The following ADAMTS6 variants were observed in gnomAD, a reference collection of about 807,000 sequenced individuals.
ADAMTS6 encodes ADAM metallopeptidase with thrombospondin type 1 motif 6.
A neutral mutation model predicts 144.3 loss-of-function variants in ADAMTS6; 23 were observed. That is an observed-to-expected ratio of 0.16 (90% CI 0.11 to 0.23). The LOEUF is 0.23. Ranked by LOEUF, ADAMTS6 falls within the 10% of genes least tolerant of loss-of-function variation. The pLI, the probability that ADAMTS6 is intolerant of heterozygous loss-of-function variation, is 1.00. For synonymous variants in ADAMTS6, 444 were observed against 457.5 expected (o/e 0.97, Z 0.38); for missense variants, 999 against 1,379.6 (o/e 0.72, Z 4.37).
At chr5:65,442,662 C>T (rs1757954478) in intron 7 of ADAMTS6, among the ~76,000 whole-genome samples, 1 of 151,926 alleles carries the variant, frequency 6.6e-6, no homozygotes, top group Non-Finnish European at 1.5e-5. Context: ...TGGAAAATGA[C>T]ATCTAACTAT....
intron 9 of ADAMTS6, among the ~76,000 whole-genome samples, chr5:65,321,021 T>C (rs1011373074): frequency 3.9e-5 from 6 of 152,238 alleles, no homozygotes; most frequent in African/African-American, 1.4e-4. Context: ...ACATGTGCAT[T>C]TGTCTTTGTA....
intron 7 of ADAMTS6, among the ~76,000 whole-genome samples, chr5:65,362,502 G>T (rs1749921165): frequency 1.3e-5 from 2 of 152,032 alleles, no homozygotes; most frequent in Middle Eastern, 3.2e-3. Context: ...ATTATCCAAG[G>T]CTAAGTACTT....
chr5:65,434,844 T>C (rs1054812108), intron 7 of ADAMTS6, among the ~76,000 whole-genome samples: 7 of 144,080 alleles, frequency 4.9e-5, no homozygotes, highest in Admixed American at 1.3e-4. Context: ...TTAGCAGACA[T>C]AAAATGATTA....
chr5:65,263,182 T>C (rs542839685), intron 12 of ADAMTS6, among the ~76,000 whole-genome samples: 43 of 152,284 alleles, frequency 2.8e-4, no homozygotes, highest in African/African-American at 9.6e-4. Flanking sequence ...CTAACCTGTA[T>C]TGGGAGTTCT....
intron 9 of ADAMTS6, among the ~76,000 whole-genome samples, chr5:65,314,587 A>G (rs1455990800): frequency 6.6e-6 from 1 of 152,204 alleles, no homozygotes; most frequent in Non-Finnish European, 1.5e-5. Context: ...AAAAATCTGC[A>G]TGTATGCATA....
intron 7 of ADAMTS6, among the ~76,000 whole-genome samples, chr5:65,364,716 G>A (rs1193732728): frequency 3.3e-5 from 5 of 151,768 alleles, no homozygotes; most frequent in African/African-American, 9.7e-5. Context: ...ACAGGCGCCC[G>A]TCACTGCGCC....
chr5:65,303,607 G>T (rs1743643711), intron 9 of ADAMTS6, among the ~76,000 whole-genome samples: 1 of 151,612 alleles, frequency 6.6e-6, no homozygotes, highest in African/African-American at 2.4e-5. Flanking sequence ...TTTTGCTGTA[G>T]AGATATATAA....
chr5:65,189,974 T>A (rs1754908007), intron 21 of ADAMTS6, among the ~76,000 whole-genome samples: 1 of 152,206 alleles, frequency 6.6e-6, no homozygotes, highest in Non-Finnish European at 1.5e-5. Context: ...TAAGAGCAAA[T>A]TTCTCACTGT....
At chr5:65,453,963 A>T (rs994988741) in intron 4 of ADAMTS6, among the ~76,000 whole-genome samples, 4 of 152,210 alleles carry the variant, frequency 2.6e-5, no homozygotes, top group Non-Finnish European at 5.9e-5. Flanking sequence ...CTTAATTGCC[A>T]TTGAAACAGT....
intron 7 of ADAMTS6, among the ~76,000 whole-genome samples, chr5:65,397,752 T>A (rs192250656): frequency 6.6e-6 from 1 of 151,830 alleles, no homozygotes; most frequent in Admixed American, 6.6e-5. Context: ...TGGCACATGC[T>A]TGTAGTCCCA....
chr5:65,478,787 TC>T (rs1211250930), intron 1 of ADAMTS6, among the ~76,000 whole-genome samples: 1 of 152,180 alleles, frequency 6.6e-6, no homozygotes, highest in Non-Finnish European at 1.5e-5. Context: ...AACCAAAACG[TC>T]CATTTCACTT....
At chr5:65,344,318 T>C (rs1748121890) in intron 7 of ADAMTS6, among the ~76,000 whole-genome samples, 1 of 151,892 alleles carries the variant, frequency 6.6e-6, no homozygotes, top group African/African-American at 2.4e-5. Context: ...ACAAAATAAC[T>C]TTCTCTTTCA....
At chr5:65,194,703 A>G (rs1327761228) in intron 21 of ADAMTS6, among the ~76,000 whole-genome samples, 3 of 152,208 alleles carry the variant, frequency 2.0e-5, no homozygotes, top group Non-Finnish European at 4.4e-5. Context: ...ATCTACATTT[A>G]GGTCTTTAAA....
chr5:65,177,652 C>CA (rs1361699079), intron 22 of ADAMTS6, among the ~76,000 whole-genome samples: 1 of 152,212 alleles, frequency 6.6e-6, no homozygotes, highest in Non-Finnish European at 1.5e-5. Context: ...TAAAATCGTA[C>CA]ATTCATTTTA....
intron 7 of ADAMTS6, among the ~76,000 whole-genome samples, chr5:65,345,799 A>G (rs1325694337): frequency 6.6e-6 from 1 of 151,682 alleles, no homozygotes; most frequent in Non-Finnish European, 1.5e-5. Context: ...TTGTCCTTTC[A>G]GTTCTGACCC....
At chr5:65,474,796 C>CAAAAAAAAAAAAAAAAAAAAAAAAAAA (rs11330695) in intron 1 of ADAMTS6, among the ~76,000 whole-genome samples, 2 of 78,882 alleles carry the variant, frequency 2.5e-5, no homozygotes, top group African/African-American at 4.3e-5. Context: ...AAACTGTGAC[C>CAAAAAAAAAAAAAAAAAAAAAAAAAAA]AAAAAAAAAA....
chr5:65,439,123 G>C (rs534419058), intron 7 of ADAMTS6, among the ~76,000 whole-genome samples: 11 of 137,526 alleles, frequency 8.0e-5, no homozygotes, highest in African/African-American at 3.0e-4. Flanking sequence ...CCCTAGAAAG[G>C]AAACCTCCAA....
chr5:65,390,402 C>T lies in ADAMTS6; in HGVS notation c.1074-56317G>A, dbSNP rs10045138. On this transcript the variant is annotated intron_variant, in intron 7 of 24. Coordinates refer to ENST00000381055, the MANE Select transcript of ADAMTS6 (RefSeq NM_197941.4). ...AGAGATTTCCGTGAGCTGGTAAAAA[C>T]TAGAGTAGATTAGAGGATTAATGAA... Among the ~76,000 whole-genome samples the T allele has an allele frequency of 1.5e-3, 222 of 152,212 alleles. 1 individual carries two copies. Among genetic ancestry groups the T allele is most frequent in the African/African-American group, 5.2e-3 (217 of 41,540 alleles).
At chr5:65,477,236 T>C (rs1034892731) in intron 1 of ADAMTS6, among the ~76,000 whole-genome samples, 4 of 152,200 alleles carry the variant, frequency 2.6e-5, no homozygotes, top group African/African-American at 9.7e-5. Flanking sequence ...ACTGGAGTGT[T>C]TTGAGTAATA....
Sources: allele counts gnomAD v4.1 joint callset (sites outside exome capture counted in the v4.1 genomes callset), GRCh38; gene constraint gnomAD v4.1.1; transcripts MANE v1.5; gene names NCBI Gene and HGNC (gene_info 2026-07-23, HGNC 2026-07-21).